Variants in COPS6 observed in about 807,000 individuals in gnomAD.
The protein encoded by COPS6 is COP9 signalosome subunit 6, also known as COP9 signalosome complex subunit 6.
In COPS6, 9 loss-of-function variants were observed where a neutral mutation model predicts 41.0. The observed-to-expected ratio is 0.22, with a 90% CI of 0.13 to 0.38. The LOEUF is 0.38. Among genes scored for constraint, COPS6 ranks in the 10% least tolerant of loss-of-function variants. The pLI is 1.00. For synonymous variants in COPS6, 179 were observed against 162.9 expected (o/e 1.10, Z -0.75); for missense variants, 302 against 436.7 (o/e 0.69, Z 2.75).
rs762726474 is a variant in COPS6, at chr7:100,089,715, C to A, written c.303C>A (p.Asp101Glu). The change falls in exon 3 of 10, where the codon GAC (aspartate) becomes GAA (glutamate). Residue 101 changes from aspartate (D) to glutamate (E), a missense_variant. By Grantham distance (45) the Asp-to-Glu change is conservative. Coordinates refer to ENST00000303904, the MANE Select transcript of COPS6 (RefSeq NM_006833.5). The stretch of plus-strand genomic sequence containing the variant: ...CCGTGGAAGAGAAGATTATCATTGA[C>A]AAGGAATATTATTACACCAAGGAGG... ...SHTVEEKIIIDKEYYYTKEEQ... is the reference protein window; with the variant it reads ...SHTVEEKIIIEKEYYYTKEEQ... 32 of 1,613,346 alleles carry A rather than the reference C, an allele frequency of 2.0e-5. No individual in the cohort carries two copies. The Admixed American group carries it at 5.3e-4, about 27-fold the overall frequency.
intron 3 of COPS6, 23 bp downstream of exon 3, chr7:100,089,769 G>A (rs1795285181): frequency 6.2e-7 from 1 of 1,610,734 alleles, no homozygotes; most frequent in Admixed American, 1.7e-5. Context: ...TAGATGTGGG[G>A]AAGAGGAGTG....
Position 100,090,891 on chromosome 7 carries a change from C to G in COPS6, c.487-11C>G. The G allele has an allele frequency of 6.2e-7, 1 of 1,614,182 alleles. No homozygotes were observed. The highest frequency in any genetic ancestry group is 8.5e-7 in the Non-Finnish European group (1 of 1,179,974). On this transcript the variant is annotated splice_polypyrimidine_tract_variant and intron_variant, in intron 5 of 9. Transcript: ENST00000303904. The stretch of plus-strand genomic sequence containing the variant: ...GCATATAGTGTTCAGGTTTCTCCGT[C>G]TCCTTCACAGCTTCCTGTCAGCGTT...
rs1251854857 is a variant in COPS6, at chr7:100,091,287, C to T, written c.699C>T (p.Ser233=). The change falls in exon 8 of 10, where the codon AGC becomes AGT. Residue 233 remains serine (S), a synonymous_variant. Transcript: ENST00000303904. This position sits in a 1 kb window ranked among gnomAD's most constrained non-coding sequence, Gnocchi z 4.1. ...AQHSAIKMLH[S]RVKLILEYVK... is the part of the protein sequence containing the mutation. ...ACAGCGCCATCAAGATGCTGCACAG[C>T]CGCGTCAAGCTCATCTTGGAGTACG... The T allele has an allele frequency of 2.5e-6, 4 of 1,614,194 alleles. No individual in the cohort carries two copies. Among genetic ancestry groups the T allele is most frequent in the Non-Finnish European group, 3.4e-6 (4 of 1,180,030 alleles).
At chr7:100,090,371 C>G (rs374144035) in intron 3 of COPS6, 28 bp from the exon 4 acceptor site, 2 of 1,416,036 alleles carry the variant, frequency 1.4e-6, no homozygotes, top group Non-Finnish European at 2.0e-6. Flanking sequence ...AAAAGAATTA[C>G]TATATGTTCT....
intron 3 of COPS6, 192 bp from the exon 4 acceptor site, chr7:100,090,207 G>C (rs1795290950): frequency 1.7e-6 from 1 of 584,498 alleles, no homozygotes; most frequent in Admixed American, 3.0e-5. Flanking sequence ...AATTAGTCTG[G>C]CATGGTGGTG....
rs746928513 is a variant in COPS6 at position 100,089,609 on chromosome 7, T to C, written c.203-6T>C. 6.2e-7 allele frequency: 1 copy of C among 1,612,186 alleles called. No homozygotes were observed. Among genetic ancestry groups the C allele is most frequent in the Non-Finnish European group, 8.5e-7 (1 of 1,179,198 alleles). On this transcript the variant is annotated splice_polypyrimidine_tract_variant and splice_region_variant and intron_variant, in intron 2 of 9. Transcript: ENST00000303904. ...CTCACCTTTTCCATGTCATTCTCTT[T>C]CCCAGTGATTGGGGCTCTGATTGGC...
chr7:100,090,073 G>A, intron 3 of COPS6: 4 of 441,430 alleles, frequency 9.1e-6, no homozygotes, highest in Non-Finnish European at 1.6e-5. Context: ...TGTCAGGCCG[G>A]GCTCAGTGAC....
chr7:100,089,867 T>C, intron 3 of COPS6, 121 bp downstream of exon 3: 2 of 936,952 alleles, frequency 2.1e-6, no homozygotes, highest in Non-Finnish European at 3.1e-6. Flanking sequence ...GGAGAAAAAG[T>C]GAAGAGTAGC....
intron 1 of COPS6, 93 bp from the exon 2 acceptor site, chr7:100,089,197 G>T: frequency 6.5e-7 from 1 of 1,533,674 alleles, no homozygotes; most frequent in South Asian, 1.3e-5. Context: ...CGGGAGGAAA[G>T]TGTGGCCCGG....
chr7:100,089,902 C>T lies in COPS6; in HGVS notation c.334+156C>T, dbSNP rs151072984. Reference sequence around the variant, plus strand: ...CTGGAGAGATCTCAGAAAAAGAAAACGTTCAGAGTTCTTTCTCAAAAGAAA... The same window carrying T: ...CTGGAGAGATCTCAGAAAAAGAAAATGTTCAGAGTTCTTTCTCAAAAGAAA... On this transcript the variant is annotated intron_variant, in intron 3 of 9. Transcript: ENST00000303904. 36 of 681,156 alleles carry T rather than the reference C, an allele frequency of 5.3e-5. No individual in the cohort carries two copies. In the East Asian group the frequency reaches 8.8e-4, roughly 17 times the overall value. The allele number at this position is 681,156 out of a possible 1,614,324, so 42.2% of individuals were successfully genotyped here. A position where few individuals can be genotyped will look rare whatever the true frequency, so the allele number is the denominator to read the frequency against.
Position 100,089,432 on chromosome 7 carries a change from G to T in COPS6, c.202+17G>T, listed in dbSNP as rs761230269. ...CTGTGCAGGGTGAGTGTTGGGCATA[G>T]ACTCCAGTCTCTTCTCCTTGCTCAC... On this transcript the variant is annotated intron_variant, in intron 2 of 9. Transcript: ENST00000303904. 1 of 1,613,952 alleles carries T rather than the reference G, an allele frequency of 6.2e-7. No homozygotes were observed. The highest frequency in any genetic ancestry group is 1.1e-5 in the South Asian group (1 of 91,078).
At chr7:100,089,951 T>G in intron 3 of COPS6, 1 of 535,334 alleles carries the variant, frequency 1.9e-6, no homozygotes, top group South Asian at 2.2e-5. Context: ...GGAGACAGGA[T>G]AGAAGGGAGT....
Position 100,092,058 on chromosome 7 carries a change from T to C in COPS6, c.*269T>C. On this transcript the variant is annotated 3_prime_UTR_variant, in exon 10 of 10. Transcript: ENST00000303904. The stretch of plus-strand genomic sequence containing the variant: ...TTGAAGTGACCCCATGTCAGTCACA[T>C]GGACTGGTCTTTAGCAAAGTCCAAG... The C allele has an allele frequency of 2.0e-6, 1 of 489,692 alleles. No individual in the cohort carries two copies. The highest frequency in any genetic ancestry group is 3.7e-6 in the Non-Finnish European group (1 of 270,778). 30.3% of individuals were successfully genotyped at this position (489,692 alleles called of 1,614,324 possible). A position where few individuals can be genotyped will look rare whatever the true frequency, so the allele number is the denominator to read the frequency against.
At position 100,089,432 on chromosome 7, in the gene COPS6, G is replaced by C; in HGVS notation, c.202+17G>C. On this transcript the variant is annotated intron_variant, in intron 2 of 9. Transcript: ENST00000303904. Reference sequence around the variant, plus strand: ...CTGTGCAGGGTGAGTGTTGGGCATAGACTCCAGTCTCTTCTCCTTGCTCAC... The same window carrying C: ...CTGTGCAGGGTGAGTGTTGGGCATACACTCCAGTCTCTTCTCCTTGCTCAC... 1.2e-6 allele frequency: 2 copies of C among 1,613,952 alleles called. No individual in the cohort carries two copies. Among genetic ancestry groups the C allele is most frequent in the Non-Finnish European group, 1.7e-6 (2 of 1,180,012 alleles).
At chr7:100,090,174 C>G in intron 3 of COPS6, 1 of 541,388 alleles carries the variant, frequency 1.8e-6, no homozygotes, top group South Asian at 2.1e-5. Flanking sequence ...ATAGTGAAAC[C>G]CCACCTCTAC....
rs760206278 is a variant in COPS6, at chr7:100,091,760, G to A, written c.955G>A (p.Gly319Ser). 5 of 1,614,088 alleles carry A rather than the reference G, an allele frequency of 3.1e-6. No individual in the cohort carries two copies. The highest frequency in any genetic ancestry group is 3.4e-6 in the Non-Finnish European group (4 of 1,180,052). ...FNVLYDRQGI[G>S]RRMRGLFF is the part of the protein sequence containing the mutation. ...TGTCCTCTACGACCGACAAGGCATCGGCAGGAGAATGCGCGGGCTCTTTTT... is the reference window on the plus strand; with the variant it reads ...TGTCCTCTACGACCGACAAGGCATCAGCAGGAGAATGCGCGGGCTCTTTTT... Residue 319 changes from glycine to serine, a missense_variant, in exon 10 of 10, where the codon GGC becomes AGC. Gly to Ser is a moderately conservative substitution (Grantham distance 56, BLOSUM62 0). Transcript: ENST00000303904. This position sits in a 1 kb window ranked among gnomAD's most constrained non-coding sequence, Gnocchi z 4.1.
At chr7:100,089,099 C>A (rs377525504) in intron 1 of COPS6, 33 bp downstream of exon 1, 1 of 1,427,458 alleles carries the variant, frequency 7.0e-7, no homozygotes, top group Non-Finnish European at 9.2e-7. Context: ...CTTCCGGAGA[C>A]CTCCTTCAGG....
At position 100,091,382 on chromosome 7, in the gene COPS6, A is replaced by G; in HGVS notation, c.743-38A>G. 6.2e-7 allele frequency: 1 copy of G among 1,612,794 alleles called. No homozygotes were observed. On this transcript the variant is annotated intron_variant, in intron 8 of 9. Coordinates refer to ENST00000303904, the MANE Select transcript of COPS6 (RefSeq NM_006833.5). The surrounding 1 kb of genome is among the most constrained non-coding windows in gnomAD (Gnocchi z 4.1). Reference sequence around the variant, plus strand: ...TTCCTCTCCCTCCTGGGGAAGTGACAGCATCCAAACTAATGTAGTCTCTTT... The same window carrying G: ...TTCCTCTCCCTCCTGGGGAAGTGACGGCATCCAAACTAATGTAGTCTCTTT...
chr7:100,090,019 A>G (rs1241341940), intron 3 of COPS6: 23 of 450,142 alleles, frequency 5.1e-5, no homozygotes, highest in South Asian at 2.3e-4. Flanking sequence ...GTGAAAATAC[A>G]CCAGGAGCTT....
Sources: gnomAD v4.1 joint callset for allele counts on GRCh38, gnomAD v4.1.1 for gene constraint, Gnocchi (gnomAD v3.1) non-coding constraint, MANE v1.5 for transcripts, NCBI Gene and HGNC (gene_info 2026-07-23, HGNC 2026-07-21) for gene names.